The following BTAF1 variants were observed in gnomAD, a reference collection of about 807,000 sequenced individuals.
BTAF1 encodes the protein TATA-binding protein-associated factor 172.
A neutral mutation model predicts 227.1 loss-of-function variants in BTAF1; 38 were observed. That is an observed-to-expected ratio of 0.17 (90% CI 0.13 to 0.22). BTAF1 has a LOEUF of 0.22. BTAF1 is among the 10% of genes least tolerant of loss of function. The pLI is 1.00. For synonymous variants in BTAF1, 742 were observed against 751.9 expected (o/e 0.99, Z 0.21); for missense variants, 1,598 against 2,204.0 (o/e 0.73, Z 5.51).
chr10:91,935,634 C>A, intron 1 of BTAF1, 23 bp from the exon 2 acceptor site: 1 of 1,609,924 alleles, frequency 6.2e-7, no homozygotes, highest in Non-Finnish European at 8.5e-7. Flanking sequence ...TTGAGAATAA[C>A]CATTGTATTT....
chr10:91,972,442 A>G (rs1847372604), intron 14 of BTAF1, among the ~76,000 whole-genome samples: 1 of 152,074 alleles, frequency 6.6e-6, no homozygotes, highest in African/African-American at 2.4e-5. Context: ...CTTTTCTCTC[A>G]TGAGACAAAT....
chr10:91,980,549 T>G lies in BTAF1; in HGVS notation c.1746T>G (p.Leu582=), dbSNP rs1319294645. ...AAAGCAGCCAGGAAATTCTGGACCT[T>G]ATTCACAAGGTACACAGCAAATGTA... The part of the protein sequence containing the change: ...VLESSQEILD[L]IHKVWMELLS... Residue 582 remains leucine (L), a synonymous_variant, in exon 15 of 38, where the codon CTT becomes CTG. Coordinates refer to ENST00000265990, the MANE Select transcript of BTAF1 (RefSeq NM_003972.3). The G allele has an allele frequency of 6.2e-7, 1 of 1,608,992 alleles. No homozygotes were observed. The highest frequency in any genetic ancestry group is 2.2e-5 in the East Asian group (1 of 44,808).
intron 2 of BTAF1, among the ~76,000 whole-genome samples, chr10:91,938,988 AAGGG>A (rs746480063): frequency 1.1e-4 from 15 of 141,874 alleles, no homozygotes; most frequent in Non-Finnish European, 4.6e-5. Flanking sequence ...AAAAAAAAAA[AAGGG>A]GGGGGGGATT....
intron 5 of BTAF1, among the ~76,000 whole-genome samples, chr10:91,952,056 A>G (rs1845801900): frequency 6.6e-6 from 1 of 151,802 alleles, no homozygotes; most frequent in Non-Finnish European, 1.5e-5. Flanking sequence ...TCCATGCCCC[A>G]TAGACAACCA....
chr10:91,998,347 T>G (rs1849281135), intron 25 of BTAF1, among the ~76,000 whole-genome samples: 1 of 152,190 alleles, frequency 6.6e-6, no homozygotes, highest in Non-Finnish European at 1.5e-5. Flanking sequence ...AATGCTTTTC[T>G]AGAAATAGAA....
At chr10:92,020,270 T>G (rs1242606179) in intron 34 of BTAF1, among the ~76,000 whole-genome samples, 1 of 152,194 alleles carries the variant, frequency 6.6e-6, no homozygotes, top group Non-Finnish European at 1.5e-5. Flanking sequence ...TTATTTTACT[T>G]GGAACTGCAT....
In BTAF1 at chr10:91,991,775, A is replaced by G. The variant is rs534912675; in HGVS notation, c.2855-344A>G. ...GTCTCAGAAAAAAAAAATTATATAT[A>G]TGTGTGTGTGTGTGTGTGTGTGTAT... On this transcript the variant is annotated intron_variant, in intron 20 of 37. Transcript: ENST00000265990. Among the ~76,000 whole-genome samples, 587 of 81,490 alleles carry G rather than the reference A, an allele frequency of 7.2e-3. 4 individuals are homozygous for G. Among genetic ancestry groups the G allele is most frequent in the African/African-American group, 0.038 (555 of 14,798 alleles). The allele number at this position is 81,490 out of a possible 152,430, so 53.5% of individuals were successfully genotyped here.
intron 20 of BTAF1, among the ~76,000 whole-genome samples, chr10:91,991,795 G>GTATATATATATATATATA (rs1489317546): frequency 3.5e-4 from 2 of 5,640 alleles, no homozygotes; most frequent in African/African-American, 4.9e-4. Flanking sequence ...GTGTGTGTGT[G>GTATATATATATATATATA]TGTATATATA....
chr10:91,974,346 T>C (rs561106612), intron 14 of BTAF1, among the ~76,000 whole-genome samples: 122 of 152,336 alleles, frequency 8.0e-4, no homozygotes, highest in African/African-American at 2.8e-3. Flanking sequence ...ATTATAAGTA[T>C]GTGTGCTGGC....
At chr10:91,930,674 T>G (rs1222856354) in intron 1 of BTAF1, among the ~76,000 whole-genome samples, 1 of 152,256 alleles carries the variant, frequency 6.6e-6, no homozygotes, top group Non-Finnish European at 1.5e-5. Flanking sequence ...AATGATAATA[T>G]GTGCACTGTA....
intron 28 of BTAF1, among the ~76,000 whole-genome samples, chr10:92,010,631 G>A (rs906663227): frequency 1.3e-5 from 2 of 152,124 alleles, no homozygotes; most frequent in African/African-American, 4.8e-5. Context: ...TATCAGTACT[G>A]GAGATGACTG....
chr10:91,977,566 T>C (rs1847784239), intron 14 of BTAF1, among the ~76,000 whole-genome samples: 1 of 152,210 alleles, frequency 6.6e-6, no homozygotes, highest in Non-Finnish European at 1.5e-5. Flanking sequence ...GATTTTTGTG[T>C]GGACTTTTTT....
In BTAF1 at chr10:92,014,002, C is replaced by G; in HGVS notation, c.4557C>G (p.Asp1519Glu). 1 of 1,613,252 alleles carries G rather than the reference C, an allele frequency of 6.2e-7. No homozygotes were observed. The highest frequency in any genetic ancestry group is 8.5e-7 in the Non-Finnish European group (1 of 1,179,728). The change falls in exon 32 of 38, where the codon GAC (aspartate) becomes GAG (glutamate). Residue 1519 changes from aspartate (D) to glutamate (E), a missense_variant. Around this residue, in one of 10 missense-constraint regions of BTAF1, gnomAD observed 184 missense variants for 341.1 expected, o/e 0.54. Transcript: ENST00000265990. The part of the protein sequence containing the change: ...LQDLPPKIIQ[D>E]YYCTLSPLQV... ...ATCTTCCACCTAAAATTATTCAAGA[C>G]TATTATTGTACTCTTAGTCCTCTCC...
chr10:92,017,694 A>C (rs1326701895), intron 33 of BTAF1, among the ~76,000 whole-genome samples: 1 of 151,974 alleles, frequency 6.6e-6, no homozygotes, highest in Non-Finnish European at 1.5e-5. Flanking sequence ...AAATTTTTTT[A>C]GTGATAAGGT....
chr10:91,943,382 A>G (rs188061907), intron 4 of BTAF1, among the ~76,000 whole-genome samples: 34 of 152,308 alleles, frequency 2.2e-4, no homozygotes, highest in Non-Finnish European at 4.6e-4. Context: ...ATCTATCTGA[A>G]TATAAAATTA....
At chr10:91,985,619 C>G (rs1848349259) in intron 19 of BTAF1, among the ~76,000 whole-genome samples, 1 of 152,118 alleles carries the variant, frequency 6.6e-6, no homozygotes, top group South Asian at 2.1e-4. Context: ...TGTGAGAGTT[C>G]TGGTTACTCC....
chr10:91,969,482 A>G (rs1294577828), intron 14 of BTAF1, among the ~76,000 whole-genome samples: 2 of 152,146 alleles, frequency 1.3e-5, no homozygotes, highest in Non-Finnish European at 2.9e-5. Context: ...TTATTATAGC[A>G]TACTGTGGGA....
Position 91,966,626 on chromosome 10 carries a change from T to G in BTAF1, c.1530-11T>G. 6.2e-7 allele frequency: 1 copy of G among 1,612,524 alleles called. No individual in the cohort carries two copies. Among genetic ancestry groups the G allele is most frequent in the Non-Finnish European group, 8.5e-7 (1 of 1,179,280 alleles). On this transcript the variant is annotated splice_polypyrimidine_tract_variant and intron_variant, in intron 13 of 37. Coordinates refer to ENST00000265990, the MANE Select transcript of BTAF1 (RefSeq NM_003972.3). ...AGAATAAGTAAGATTAATTTGTGTC[T>G]TCTTTATTAGTATTCAGCAGTCACT...
rs1564694472 is a variant in BTAF1, at chr10:91,984,499, T to C, written c.2427+95T>C. 3.7e-6 allele frequency: 4 copies of C among 1,094,216 alleles called. No individual in the cohort carries two copies. The African/African-American group carries it at 6.3e-5, about 17-fold the overall frequency. The allele number at this position is 1,094,216 out of a possible 1,614,324, so 67.8% of individuals were successfully genotyped here. The stretch of plus-strand genomic sequence containing the variant: ...TGTTTATCACAAAAACACATTAGTT[T>C]GTTGAGTCTGTATGTGGCTTGGTAG... On this transcript the variant is annotated intron_variant, in intron 19 of 37. Coordinates refer to ENST00000265990, the MANE Select transcript of BTAF1 (RefSeq NM_003972.3).
Sources: allele counts gnomAD v4.1 joint callset (sites outside exome capture counted in the v4.1 genomes callset), GRCh38; gene constraint gnomAD v4.1.1; regional missense constraint gnomAD v4.1.1; transcripts MANE v1.5; gene names NCBI Gene and HGNC (gene_info 2026-07-23, HGNC 2026-07-21).